Variants in NECAB1 observed in about 807,000 individuals in gnomAD.
The protein encoded by NECAB1 is N-terminal EF-hand calcium binding protein 1.
A neutral mutation model predicts 57.5 loss-of-function variants in NECAB1; 29 were observed. The observed-to-expected ratio is 0.50, with a 90% CI of 0.38 to 0.69. The LOEUF is 0.69. NECAB1 is among the 30% of genes least tolerant of loss of function. The pLI, the probability that NECAB1 is intolerant of heterozygous loss-of-function variation, is 0.00. For missense variants in NECAB1, 372 were observed against 413.8 expected, an observed-to-expected ratio of 0.90 and a Z score of 0.88; for synonymous variants, 142 against 147.7, an observed-to-expected ratio of 0.96 and a Z score of 0.28.
At chr8:90,889,960 A>AGT (rs35492530) in intron 5 of NECAB1, among the ~76,000 whole-genome samples, 77,209 of 151,206 alleles carry the variant, frequency 0.51, 22,438 homozygotes, top group East Asian at 0.78. Context: ...TGTGTGTGTG[A>AGT]GTGTGTGTGT....
chr8:90,795,242 A>G (rs962602949), intron 1 of NECAB1, among the ~76,000 whole-genome samples: 2 of 152,232 alleles, frequency 1.3e-5, no homozygotes, highest in Non-Finnish European at 2.9e-5. Flanking sequence ...AGGGAGAAAA[A>G]CAAACCTTCA....
intron 3 of NECAB1, among the ~76,000 whole-genome samples, chr8:90,832,136 A>G (rs186981193): frequency 1.8e-4 from 28 of 152,230 alleles, no homozygotes; most frequent in South Asian, 8.3e-4. Flanking sequence ...ACTGAAACCC[A>G]TTTACTTGCT....
At chr8:90,908,763 C>G (rs760602069) in intron 5 of NECAB1, among the ~76,000 whole-genome samples, 5 of 152,136 alleles carry the variant, frequency 3.3e-5, no homozygotes, top group Non-Finnish European at 7.4e-5. Context: ...CCCCAGAAGT[C>G]TTTCCACATG....
intron 10 of NECAB1, among the ~76,000 whole-genome samples, chr8:90,947,972 A>G (rs1022515931): frequency 1.3e-5 from 2 of 152,226 alleles, no homozygotes; most frequent in Non-Finnish European, 2.9e-5. Flanking sequence ...ATAGCAGGAT[A>G]AGTAGGATTT....
intron 4 of NECAB1, among the ~76,000 whole-genome samples, chr8:90,877,040 CT>C (rs1019511861): frequency 3.3e-5 from 5 of 152,166 alleles, no homozygotes; most frequent in Non-Finnish European, 7.4e-5. Flanking sequence ...TACATTTGCC[CT>C]ACTCACACTG....
At chr8:90,803,279 C>T (rs1811791449) in intron 2 of NECAB1, among the ~76,000 whole-genome samples, 1 of 152,126 alleles carries the variant, frequency 6.6e-6, no homozygotes, top group African/African-American at 2.4e-5. Flanking sequence ...GCCTGATATC[C>T]AGCCCCAGGG....
chr8:90,879,709 A>G (rs1808803402), intron 4 of NECAB1, among the ~76,000 whole-genome samples: 1 of 152,212 alleles, frequency 6.6e-6, no homozygotes, highest in Non-Finnish European at 1.5e-5. Flanking sequence ...ATAATTGCAC[A>G]AATAAAGTTA....
At chr8:90,927,060 T>C (rs1810288312) in intron 7 of NECAB1, among the ~76,000 whole-genome samples, 1 of 152,230 alleles carries the variant, frequency 6.6e-6, no homozygotes. Flanking sequence ...AAATATCTTT[T>C]CTTGGGTCTC....
chr8:90,891,336 T>C (rs1381892369), intron 5 of NECAB1, among the ~76,000 whole-genome samples: 1 of 152,200 alleles, frequency 6.6e-6, no homozygotes, highest in Non-Finnish European at 1.5e-5. Flanking sequence ...CTTATTTGTT[T>C]CCCAACTGTC....
chr8:90,920,938 G>A (rs1810093305), intron 6 of NECAB1, among the ~76,000 whole-genome samples: 1 of 152,218 alleles, frequency 6.6e-6, no homozygotes, highest in African/African-American at 2.4e-5. Context: ...GAACACTGAG[G>A]AGACCAATCT....
At chr8:90,822,807 C>T (rs1349401349) in intron 2 of NECAB1, among the ~76,000 whole-genome samples, 2 of 151,752 alleles carry the variant, frequency 1.3e-5, no homozygotes, top group African/African-American at 2.4e-5. Context: ...ACATTCACTA[C>T]ATATCATAGT....
chr8:90,829,366 A>G (rs554536025), intron 3 of NECAB1, among the ~76,000 whole-genome samples: 2 of 152,118 alleles, frequency 1.3e-5, no homozygotes, highest in Non-Finnish European at 2.9e-5. Context: ...GCAGTTAGCT[A>G]TAGGAAACTA....
intron 3 of NECAB1, among the ~76,000 whole-genome samples, chr8:90,849,695 T>C (rs1812645612): frequency 9.0e-6 from 1 of 111,304 alleles, no homozygotes. Context: ...AATTTTTTTT[T>C]TTTTTTTTTT....
intron 3 of NECAB1, among the ~76,000 whole-genome samples, chr8:90,859,521 G>T (rs540839843): frequency 1.2e-3 from 190 of 152,222 alleles, no homozygotes; most frequent in Middle Eastern, 3.4e-3. Flanking sequence ...AGAAGCAAGT[G>T]GTTGGTTAGT....
intron 2 of NECAB1, among the ~76,000 whole-genome samples, chr8:90,816,047 G>T (rs754794516): frequency 1.3e-5 from 2 of 151,626 alleles, no homozygotes; most frequent in Non-Finnish European, 3.0e-5. Context: ...GCCAAAAATT[G>T]GTATTATCAG....
chr8:90,797,147 C>T (rs1563489750), intron 1 of NECAB1, among the ~76,000 whole-genome samples: 1 of 152,170 alleles, frequency 6.6e-6, no homozygotes, highest in Non-Finnish European at 1.5e-5. Flanking sequence ...CCTCAAAATC[C>T]CCTCTAGCAA....
intron 9 of NECAB1, 163 bp from the exon 10 acceptor site, chr8:90,940,623 C>T (rs1415206181): frequency 3.4e-6 from 2 of 591,604 alleles, no homozygotes; most frequent in Non-Finnish European, 6.1e-6. Context: ...TAGATTACAG[C>T]CTTTATACAG....
intron 3 of NECAB1, among the ~76,000 whole-genome samples, chr8:90,841,872 C>G (rs1202237400): frequency 6.6e-6 from 1 of 152,172 alleles, no homozygotes; most frequent in Non-Finnish European, 1.5e-5. Context: ...CTTTAACAGT[C>G]AGGAGCCCAT....
intron 9 of NECAB1, among the ~76,000 whole-genome samples, chr8:90,934,772 T>G (rs1810493955): frequency 6.6e-6 from 1 of 152,126 alleles, no homozygotes; most frequent in Non-Finnish European, 1.5e-5. Flanking sequence ...CCAGGCACAT[T>G]GAAAATGCTC....
Sources: gnomAD v4.1 joint callset for allele counts (sites outside exome capture counted in the v4.1 genomes callset) on GRCh38, gnomAD v4.1.1 for gene constraint, MANE v1.5 for transcripts, NCBI Gene and HGNC (gene_info 2026-07-23, HGNC 2026-07-21) for gene names.